Variants in DEPDC5 observed in about 807,000 individuals in gnomAD.
The protein encoded by DEPDC5 is DEP domain containing 5, GATOR1 subcomplex subunit.
DEPDC5 carries 73 observed loss-of-function variants against 217.3 expected under a neutral mutation model. That is an observed-to-expected ratio of 0.34 (90% CI 0.28 to 0.41). The LOEUF (loss-of-function observed/expected upper bound fraction) is 0.41, where lower values mean the gene tolerates loss of function less well. Among genes scored for constraint, DEPDC5 ranks in the 10% least tolerant of loss-of-function variants. The probability of loss-of-function intolerance (pLI) is 1.00; values close to 1 mark genes in which losing one functional copy is unlikely to be tolerated. For missense variants in DEPDC5, 1,675 were observed against 2,070.1 expected (o/e 0.81, Z 3.70); for synonymous variants, 733 against 756.7 (o/e 0.97, Z 0.51).
intron 8 of DEPDC5, among the ~76,000 whole-genome samples, chr22:31,782,845 A>C (rs1472031096): frequency 6.6e-6 from 1 of 152,094 alleles, no homozygotes; most frequent in Non-Finnish European, 1.5e-5. Context: ...TCTTATTTTC[A>C]CTGTCTCTGA....
rs1306016047 is a variant in DEPDC5, at chr22:31,812,730, C to G, written c.1445+2089C>G. 4.8e-5 allele frequency among the ~76,000 whole-genome samples: 7 copies of G among 145,490 alleles called. No individual in the cohort carries two copies. The East Asian group carries it at 8.3e-4, about 17-fold the overall frequency. On this transcript the variant is annotated intron_variant, in intron 20 of 42. Transcript: ENST00000651528. ...TGAGCCACCGCGCCCGGCCAATTTT[C>G]CAGATTTCTTTCTTTTTTTTTTTTT...
intron 6 of DEPDC5, among the ~76,000 whole-genome samples, chr22:31,768,232 A>G (rs2083000163): frequency 6.6e-6 from 1 of 152,036 alleles, no homozygotes; most frequent in African/African-American, 2.4e-5. Context: ...TTAATTTTTT[A>G]ATGAACATTT....
At chr22:31,820,006 CAAG>C (rs1385124413) in intron 22 of DEPDC5, among the ~76,000 whole-genome samples, 3 of 152,136 alleles carry the variant, frequency 2.0e-5, no homozygotes, top group African/African-American at 7.2e-5. Flanking sequence ...ATTCTGTTCT[CAAG>C]AAGATGACAG....
rs1942571072 is a variant in DEPDC5, at chr22:31,901,736, T to C, written c.4376-6T>C. ...AACCCAATATTTATTCTTATTTTCC[T>C]TTCAGGCTTTGAACCCGAAACGTAC... On this transcript the variant is annotated splice_polypyrimidine_tract_variant and splice_region_variant and intron_variant, in intron 40 of 42. Coordinates refer to ENST00000651528, the MANE Select transcript of DEPDC5 (RefSeq NM_001242896.3). 2 of 1,610,904 alleles carry C rather than the reference T, an allele frequency of 1.2e-6. No individual in the cohort carries two copies. Among genetic ancestry groups the C allele is most frequent in the Non-Finnish European group, 1.7e-6 (2 of 1,178,328 alleles).
In DEPDC5 at chr22:31,837,086, A is replaced by C; in HGVS notation, c.2285A>C (p.Asp762Ala). ...CCCCTTACCACCGACTACTTCCCTG[A>C]CCGCCAGGGCCTGCAGAATGACTAC... ...CLPLTTDYFP[D>A]RQGLQNDYTE... The change falls in exon 26 of 43, where the codon GAC (aspartate) becomes GCC (alanine). Residue 762 changes from aspartate (D) to alanine (A), a missense_variant. Physicochemically the swap from Asp to Ala is moderately radical, Grantham distance 126. Transcript: ENST00000651528. 5 of 1,614,050 alleles carry C rather than the reference A, an allele frequency of 3.1e-6. No individual in the cohort carries two copies. The highest frequency in any genetic ancestry group is 4.2e-6 in the Non-Finnish European group (5 of 1,180,014).
intron 24 of DEPDC5, among the ~76,000 whole-genome samples, chr22:31,823,532 CAA>C (rs375009177): frequency 2.3e-4 from 12 of 52,254 alleles, no homozygotes; most frequent in Admixed American, 4.3e-4. Context: ...GACTCCATCT[CAA>C]AAAAAAAAAA....
intron 14 of DEPDC5, among the ~76,000 whole-genome samples, chr22:31,801,469 G>A (rs74513689): frequency 0.025 from 3,820 of 152,182 alleles, 61 homozygotes; most frequent in African/African-American, 0.041. Flanking sequence ...CGGCATTTAT[G>A]TGTTAGCCGA....
chr22:31,792,033 G>C lies in DEPDC5; in HGVS notation c.625G>C (p.Glu209Gln). The change falls in exon 11 of 43, where the codon GAG becomes CAG. Residue 209 changes from glutamate (E) to glutamine (Q), a missense_variant and splice_region_variant. Around this residue, in one of 11 missense-constraint regions of DEPDC5, gnomAD observed 628 missense variants for 762.1 expected, o/e 0.82. Coordinates refer to ENST00000651528, the MANE Select transcript of DEPDC5 (RefSeq NM_001242896.3). The part of the protein sequence containing the change: ...FLADLFTKWK[E>Q]KNCSHEVTVV... ...CCTGTTGTTCTCTACTCATGCTTAG[G>C]AGAAGAACTGTAGTCATGAAGTGAC... 1 of 1,610,734 alleles carries C rather than the reference G, an allele frequency of 6.2e-7. No homozygotes were observed. Among genetic ancestry groups the C allele is most frequent in the Non-Finnish European group, 8.5e-7 (1 of 1,177,748 alleles).
intron 38 of DEPDC5, among the ~76,000 whole-genome samples, chr22:31,885,361 C>G (rs531314261): frequency 6.6e-6 from 1 of 152,206 alleles, no homozygotes; most frequent in Non-Finnish European, 1.5e-5. Context: ...GCTTTCCTTC[C>G]GCCTGGGGCA....
At chr22:31,893,990 T>G (rs1205692714) in intron 39 of DEPDC5, 1 of 382,194 alleles carries the variant, frequency 2.6e-6, no homozygotes, top group African/African-American at 2.1e-5. Flanking sequence ...CAGATAATTC[T>G]CTGTGGGGGA....
At chr22:31,774,874 G>A (rs890717978) in intron 7 of DEPDC5, among the ~76,000 whole-genome samples, 1 of 151,914 alleles carries the variant, frequency 6.6e-6, no homozygotes, top group South Asian at 2.1e-4. Flanking sequence ...CACCCACCTC[G>A]GCCTCCCAAG....
chr22:31,781,625 T>C (rs1569518484), intron 8 of DEPDC5, among the ~76,000 whole-genome samples: 2 of 152,030 alleles, frequency 1.3e-5, no homozygotes, highest in Non-Finnish European at 2.9e-5. Context: ...AGATGGGGTT[T>C]CACCATGTTG....
intron 9 of DEPDC5, 116 bp downstream of exon 9, chr22:31,784,101 C>T (rs956441805): frequency 1.3e-6 from 1 of 779,674 alleles, no homozygotes. Context: ...CTTTAAATAT[C>T]ATTGTGAGAA....
intron 33 of DEPDC5, among the ~76,000 whole-genome samples, chr22:31,867,147 A>G (rs2092711606): frequency 6.6e-6 from 1 of 152,178 alleles, no homozygotes; most frequent in Non-Finnish European, 1.5e-5. Flanking sequence ...TCTACGTGCG[A>G]CATCTGCCAT....
rs779203821 is a variant in DEPDC5 at position 31,804,819 on chromosome 22, T to C, written c.1144-23T>C. ...ACCTACTTGTTCTGTAGCTTATCTG[T>C]GCTCTCATTTTTCTCCTTGCAGCTC... On this transcript the variant is annotated intron_variant, in intron 16 of 42. Transcript: ENST00000651528. 2.8e-5 allele frequency: 45 copies of C among 1,609,726 alleles called. No individual in the cohort carries two copies. In the Admixed American group the frequency reaches 7.0e-4, roughly 25 times the overall value.
At chr22:31,843,992 G>A (rs749431029) in intron 29 of DEPDC5, among the ~76,000 whole-genome samples, 180 bp downstream of exon 29, 4 of 152,094 alleles carry the variant, frequency 2.6e-5, no homozygotes, top group Non-Finnish European at 5.9e-5. Context: ...TTGGGAGGCC[G>A]AGGTTGGCAG....
intron 24 of DEPDC5, among the ~76,000 whole-genome samples, chr22:31,829,341 G>T (rs1336424702): frequency 6.6e-6 from 1 of 152,190 alleles, no homozygotes; most frequent in Non-Finnish European, 1.5e-5. Flanking sequence ...AGACCAGCCT[G>T]ACCAACATGT....
At chr22:31,874,519 T>C (rs910186955) in intron 36 of DEPDC5, 114 bp downstream of exon 36, 6 of 1,314,380 alleles carry the variant, frequency 4.6e-6, no homozygotes, top group Admixed American at 3.0e-5. Flanking sequence ...GGGGTGAGGA[T>C]TTTTTTTAAT....
chr22:31,799,799 CT>C (rs1158355451), intron 14 of DEPDC5, among the ~76,000 whole-genome samples: 122 of 72,922 alleles, frequency 1.7e-3, no homozygotes, highest in African/African-American at 6.0e-3. Flanking sequence ...CATGCCCGGC[CT>C]TTTTTTTTTT....
Sources: allele counts gnomAD v4.1 joint callset (sites outside exome capture counted in the v4.1 genomes callset), GRCh38; gene constraint gnomAD v4.1.1; regional missense constraint gnomAD v4.1.1; transcripts MANE v1.5; gene names NCBI Gene and HGNC (gene_info 2026-07-23, HGNC 2026-07-21).